Variants in DACH2 observed in about 807,000 individuals in gnomAD.
DACH2 encodes dachshund family transcription factor 2.
DACH2 carries 17 observed loss-of-function variants against 35.8 expected under a neutral mutation model. The ratio of observed to expected loss-of-function variants is 0.48; its 90% CI spans 0.33 to 0.71. DACH2 has a LOEUF of 0.71. Ranked by LOEUF, DACH2 falls within the 30% of genes least tolerant of loss-of-function variation. DACH2 has a pLI of 0.02. For missense variants in DACH2, 469 were observed against 472.7 expected (o/e 0.99, Z 0.07); for synonymous variants, 195 against 177.3 (o/e 1.10, Z -0.79).
chrX:86,412,061 C>T lies in DACH2; in HGVS notation c.527+35199C>T, dbSNP rs1162019974. Among the ~76,000 whole-genome samples the T allele has an allele frequency of 3.6e-5, 4 of 111,611 alleles. No homozygotes were observed. The East Asian group carries it at 1.1e-3, about 32-fold the overall frequency. ...TTGTGGAGTAGTAGACTGATTTCAT[C>T]CTGATAGTCTGGGTCAATCACCCTA... On this transcript the variant is annotated intron_variant, in intron 2 of 11. Coordinates refer to ENST00000373125, the MANE Select transcript of DACH2 (RefSeq NM_053281.3).
intron 1 of DACH2, among the ~76,000 whole-genome samples, chrX:86,360,362 T>G (rs1490508966): frequency 9.0e-6 from 1 of 111,429 alleles, no homozygotes; most frequent in East Asian, 2.8e-4. Context: ...TATAAAACAC[T>G]GTGGGAATGA....
intron 7 of DACH2, among the ~76,000 whole-genome samples, chrX:86,760,357 T>C (rs756259548): frequency 4.5e-5 from 5 of 112,184 alleles, no homozygotes; most frequent in Non-Finnish European, 7.5e-5. Context: ...CATTTTATCA[T>C]TTCCCATATG....
chrX:86,571,429 T>C (rs1422901713), intron 3 of DACH2, among the ~76,000 whole-genome samples: 2 of 110,377 alleles, frequency 1.8e-5, no homozygotes, highest in East Asian at 5.7e-4. Context: ...GTATATCTCC[T>C]AATGCTATCC....
At chrX:86,605,219 C>T (rs745871867) in intron 3 of DACH2, among the ~76,000 whole-genome samples, 80 of 111,427 alleles carry the variant, frequency 7.2e-4, no homozygotes, top group Admixed American at 1.9e-3. Flanking sequence ...TGTTTCTTTT[C>T]ATTTCTTTGT....
chrX:86,250,780 A>T (rs1342348917), intron 1 of DACH2, among the ~76,000 whole-genome samples: 1 of 111,315 alleles, frequency 9.0e-6, no homozygotes, highest in Non-Finnish European at 1.9e-5. Flanking sequence ...AATTCAATGA[A>T]TCCACAGTAA....
At chrX:86,663,130 A>G (rs1250965708) in intron 4 of DACH2, among the ~76,000 whole-genome samples, 1 of 111,673 alleles carries the variant, frequency 9.0e-6, no homozygotes, top group Non-Finnish European at 1.9e-5. Flanking sequence ...AGAAACCGCT[A>G]TTAAGACCAT....
At chrX:86,698,834 C>T (rs1199752437) in intron 5 of DACH2, among the ~76,000 whole-genome samples, 2 of 110,185 alleles carry the variant, frequency 1.8e-5, no homozygotes, top group Non-Finnish European at 3.8e-5. Flanking sequence ...CCGTGCCCAG[C>T]CAATTTATAA....
In DACH2 at chrX:86,417,089, C is replaced by CAAAAA. The variant is rs386417185; in HGVS notation, c.527+40249_527+40253dup. Among the ~76,000 whole-genome samples the CAAAAA allele has an allele frequency of 8.7e-4, 20 of 23,035 alleles. 3 individuals are homozygous for CAAAAA. The highest frequency in any genetic ancestry group is 2.8e-3 in the African/African-American group (14 of 5,017). The allele number at this position is 23,035 out of a possible 115,157, so 20.0% of individuals were successfully genotyped here. A position where few individuals can be genotyped will look rare whatever the true frequency, so the allele number is the denominator to read the frequency against. The stretch of plus-strand genomic sequence containing the variant: ...AGCCTGTTCAACAGAGACTCCATCT[C>CAAAAA]AAAAAAAAAAAAAAAAAAAAAAAAA... On this transcript the variant is annotated intron_variant, in intron 2 of 11. Transcript: ENST00000373125.
chrX:86,637,144 G>T (rs1324639115), intron 3 of DACH2, among the ~76,000 whole-genome samples: 1 of 82,265 alleles, frequency 1.2e-5, no homozygotes, highest in Admixed American at 1.6e-4. Context: ...TTAGAGAAAT[G>T]CAAATCAAAA....
At chrX:86,193,114 CTATTTACT>C (rs1478460501) in intron 1 of DACH2, among the ~76,000 whole-genome samples, 1 of 111,352 alleles carries the variant, frequency 9.0e-6, no homozygotes, top group Non-Finnish European at 1.9e-5. Flanking sequence ...AATATAAATT[CTATTTACT>C]TATTAGTTTC....
Position 86,667,623 on chromosome X carries a change from A to C in DACH2, c.772+16456A>C, listed in dbSNP as rs191640509. The stretch of plus-strand genomic sequence containing the variant: ...AAGAAAGAAAGAAAGAAAGGCAGGC[A>C]GGCCCTGGTCTTAACCACTTTCCTT... On this transcript the variant is annotated intron_variant, in intron 4 of 11. Transcript: ENST00000373125. Among the ~76,000 whole-genome samples the C allele has an allele frequency of 7.1e-3, 777 of 109,894 alleles. 7 individuals are homozygous for C. The highest frequency in any genetic ancestry group is 0.022 in the African/African-American group (657 of 30,174).
chrX:86,437,472 C>T (rs1331925265), intron 2 of DACH2, among the ~76,000 whole-genome samples: 1 of 111,714 alleles, frequency 9.0e-6, no homozygotes, highest in Admixed American at 9.6e-5. Context: ...CTGGTATTTA[C>T]CATTCTATTC....
chrX:86,728,987 G>T (rs775829921), intron 6 of DACH2, among the ~76,000 whole-genome samples: 140 of 112,533 alleles, frequency 1.2e-3, no homozygotes, highest in African/African-American at 4.1e-3. Flanking sequence ...CTGGGGCACT[G>T]CCTAGTGAAG....
At chrX:86,622,245 G>A (rs761856815) in intron 3 of DACH2, among the ~76,000 whole-genome samples, 1 of 111,879 alleles carries the variant, frequency 8.9e-6, no homozygotes, top group Non-Finnish European at 1.9e-5. Context: ...ATTTTGCTGA[G>A]ATCAAAAGTC....
chrX:86,240,456 AT>A (rs1342096524), intron 1 of DACH2, among the ~76,000 whole-genome samples: 4 of 103,932 alleles, frequency 3.8e-5, no homozygotes, highest in African/African-American at 1.4e-4. Context: ...TATTATTATT[AT>A]TATTATTATT....
At chrX:86,705,538 G>C (rs917950820) in intron 5 of DACH2, among the ~76,000 whole-genome samples, 3 of 111,010 alleles carry the variant, frequency 2.7e-5, no homozygotes, top group African/African-American at 9.8e-5. Flanking sequence ...AAACCACAAC[G>C]AGATGGTACC....
intron 3 of DACH2, among the ~76,000 whole-genome samples, chrX:86,556,648 T>C (rs1259874447): frequency 9.5e-6 from 1 of 105,624 alleles, no homozygotes; most frequent in Admixed American, 1.1e-4. Context: ...TTGTATCATC[T>C]ATCAGATGGG....
chrX:86,632,494 GCACACACACA>G (rs3041616), intron 3 of DACH2, among the ~76,000 whole-genome samples: 9,589 of 95,791 alleles, frequency 0.1, 468 homozygotes, highest in South Asian at 0.36. Flanking sequence ...TCATACACAT[GCACACACACA>G]CACACACACA....
intron 1 of DACH2, among the ~76,000 whole-genome samples, chrX:86,200,419 G>T (rs1334903698): frequency 9.1e-6 from 1 of 110,338 alleles, no homozygotes; most frequent in Non-Finnish European, 1.9e-5. Flanking sequence ...TGCAACAGAA[G>T]CAAAAATTCA....
Sources: allele counts gnomAD v4.1 joint callset (sites outside exome capture counted in the v4.1 genomes callset), GRCh38; gene constraint gnomAD v4.1.1; transcripts MANE v1.5; gene names NCBI Gene and HGNC (gene_info 2026-07-23, HGNC 2026-07-21).